TBC1D20: variants seen among roughly 807,000 people sequenced by gnomAD.
TBC1D20 encodes TBC1 domain family member 20, also known as chromosome 20 open reading frame 140.
In TBC1D20, 12 loss-of-function variants were observed where a neutral mutation model predicts 41.6. The ratio of observed to expected loss-of-function variants is 0.29; its 90% CI spans 0.18 to 0.47. TBC1D20 has a LOEUF of 0.47. TBC1D20 is among the 20% of genes least tolerant of loss of function. The pLI is 1.00. For synonymous variants in TBC1D20, 205 were observed against 204.8 expected (o/e 1.00, Z -0.01); for missense variants, 421 against 517.4 (o/e 0.81, Z 1.81).
Position 438,789 on chromosome 20 carries a change from G to T in TBC1D20, c.1009C>A (p.Pro337Thr), listed in dbSNP as rs757133570. Residue 337 changes from proline to threonine, a missense_variant, in exon 8 of 8, where the codon CCT becomes ACT. Coordinates refer to ENST00000354200, the MANE Select transcript of TBC1D20 (RefSeq NM_144628.4). ...DFELASAQQR[P>T]DMVLRQRFRG... ...AACCGCTGCCGCAGCACCATATCAGGCCTCTGCTGGGCTGATGCCAGCTCA... is the reference window on the plus strand; with the variant it reads ...AACCGCTGCCGCAGCACCATATCAGTCCTCTGCTGGGCTGATGCCAGCTCA... 1 of 1,614,236 alleles carries T rather than the reference G, an allele frequency of 6.2e-7. No homozygotes were observed. The highest frequency in any genetic ancestry group is 1.7e-5 in the Admixed American group (1 of 60,022).
Position 438,701 on chromosome 20 carries a change from C to G in TBC1D20, c.1097G>C (p.Arg366Pro). 2 of 1,614,232 alleles carry G rather than the reference C, an allele frequency of 1.2e-6. No homozygotes were observed. The highest frequency in any genetic ancestry group is 2.2e-5 in the South Asian group (2 of 91,088). The stretch of plus-strand genomic sequence containing the variant: ...CCCCATCACTGCCAATTTCACAAAG[C>G]GGTTGGTCCTTGGCTTGGTCAGGAC... ...KDVLTKPRTN[R>P]FVKLAVMGLT... The change falls in exon 8 of 8, where the codon CGC becomes CCC. Residue 366 changes from arginine (R) to proline (P), a missense_variant. By Grantham distance (103) the Arg-to-Pro change is moderately radical. Coordinates refer to ENST00000354200, the MANE Select transcript of TBC1D20 (RefSeq NM_144628.4).
chr20:454,308 G>A (rs1490534048), intron 1 of TBC1D20, among the ~76,000 whole-genome samples: 3 of 149,102 alleles, frequency 2.0e-5, no homozygotes, highest in Admixed American at 1.3e-4. Context: ...AAAAAAAAGT[G>A]TACGAGTTGC....
In TBC1D20 at chr20:448,944, G is replaced by A. The variant is rs754694494; in HGVS notation, c.71-870C>T. Among the ~76,000 whole-genome samples the A allele has an allele frequency of 7.2e-5, 10 of 139,764 alleles. No individual in the cohort carries two copies. The East Asian group carries it at 1.2e-3, about 16-fold the overall frequency. The allele number at this position is 139,764 out of a possible 152,430, so 91.7% of individuals were successfully genotyped here. A position where few individuals can be genotyped will look rare whatever the true frequency, so the allele number is the denominator to read the frequency against. ...CTGCAACCTCCGCCTCCCGGGTCCC[G>A]GTTCAAGCAATTCTGCCTCAGCCTC... On this transcript the variant is annotated intron_variant, in intron 1 of 7. Transcript: ENST00000354200.
At chr20:449,488 G>A (rs112691858) in intron 1 of TBC1D20, among the ~76,000 whole-genome samples, 9,746 of 97,124 alleles carry the variant, frequency 0.1, 374 homozygotes, top group African/African-American at 0.18. Flanking sequence ...CCAGCTACTC[G>A]GGAGGCTGAG....
In TBC1D20 at chr20:438,425, G is replaced by T; in HGVS notation, c.*161C>A. ...TCTGTGTCAGGTAGGCTCTGCTACT[G>T]GCCTCTGAAGTAAAGGCAAACACAA... On this transcript the variant is annotated 3_prime_UTR_variant, in exon 8 of 8. Coordinates refer to ENST00000354200, the MANE Select transcript of TBC1D20 (RefSeq NM_144628.4). 1.3e-6 allele frequency: 1 copy of T among 788,684 alleles called. No homozygotes were observed. Among genetic ancestry groups the T allele is most frequent in the Non-Finnish European group, 2.0e-6 (1 of 500,372 alleles). The allele number at this position is 788,684 out of a possible 1,614,324, so 48.9% of individuals were successfully genotyped here.
rs1377404506 is a variant in TBC1D20, at chr20:437,585, TAGTG to T, written c.*997_*1000del. The stretch of plus-strand genomic sequence containing the variant: ...TCAGACCCAAAAAACGACGCCAAGG[TAGTG>T]AGTGGGTGCCTATTTGGGAGTAGGA... On this transcript the variant is annotated 3_prime_UTR_variant, in exon 8 of 8. Transcript: ENST00000354200. The T allele has an allele frequency of 6.6e-6, 1 of 152,198 alleles. No individual in the cohort carries two copies. The highest frequency in any genetic ancestry group is 1.5e-5 in the Non-Finnish European group (1 of 67,998). 9.4% of individuals were successfully genotyped at this position (152,198 alleles called of 1,614,324 possible). A position where few individuals can be genotyped will look rare whatever the true frequency, so the allele number is the denominator to read the frequency against.
Position 448,036 on chromosome 20 carries a change from G to A in TBC1D20, c.109C>T (p.His37Tyr), listed in dbSNP as rs1262649357. 4 of 1,613,886 alleles carry A rather than the reference G, an allele frequency of 2.5e-6. No individual in the cohort carries two copies. The highest frequency in any genetic ancestry group is 1.7e-5 in the Admixed American group (1 of 60,002). Reference protein sequence around the residue: ...AKRKKKVAEIHQALNSDPTDV... With the variant: ...AKRKKKVAEIYQALNSDPTDV... Reference sequence around the variant, plus strand: ...GTGGGATCACTGTTCAGAGCCTGGTGTATCTCTGCCACTTTCTTTTTCCTT... The same window carrying A: ...GTGGGATCACTGTTCAGAGCCTGGTATATCTCTGCCACTTTCTTTTTCCTT... Residue 37 changes from histidine (H) to tyrosine (Y), a missense_variant, in exon 2 of 8, where the codon CAC (histidine) becomes TAC (tyrosine). This residue lies in a region of TBC1D20 where 150 missense variants were observed against 151.3 expected (regional missense o/e 0.99). Coordinates refer to ENST00000354200, the MANE Select transcript of TBC1D20 (RefSeq NM_144628.4).
chr20:454,100 AG>A (rs1255024818), intron 1 of TBC1D20, among the ~76,000 whole-genome samples: 1 of 134,352 alleles, frequency 7.4e-6, no homozygotes, highest in Non-Finnish European at 1.6e-5. Flanking sequence ...AAAATTAGCC[AG>A]GCGTGGTGGC....
At chr20:461,442 C>T (rs2017627620) in intron 1 of TBC1D20, among the ~76,000 whole-genome samples, 1 of 152,164 alleles carries the variant, frequency 6.6e-6, no homozygotes, top group South Asian at 2.1e-4. Context: ...ATAGAGTAGC[C>T]TCTAAGTCCT....
chr20:443,558 A>C (rs1247607589), intron 3 of TBC1D20, among the ~76,000 whole-genome samples: 1 of 152,202 alleles, frequency 6.6e-6, no homozygotes, highest in Non-Finnish European at 1.5e-5. Context: ...CCTCTTGCCC[A>C]TATTTACCCC....
intron 6 of TBC1D20, 41 bp downstream of exon 6, chr20:440,207 G>A: frequency 2.5e-6 from 4 of 1,603,456 alleles, no homozygotes; most frequent in Non-Finnish European, 3.4e-6. Context: ...AGTGGGATGG[G>A]TGATGGTGAA....
intron 1 of TBC1D20, among the ~76,000 whole-genome samples, chr20:461,650 T>C (rs962627157): frequency 2.0e-5 from 3 of 152,232 alleles, no homozygotes; most frequent in South Asian, 2.1e-4. Flanking sequence ...GCGCGAGCCA[T>C]GGTGCCCGGC....
In TBC1D20 at chr20:437,441, G is replaced by C. The variant is rs2017141334; in HGVS notation, c.*1145C>G. The C allele has an allele frequency of 2.0e-5, 3 of 152,618 alleles. 1 individual carries two copies. The highest frequency in any genetic ancestry group is 2.0e-4 in the Admixed American group (3 of 15,280). 9.5% of individuals were successfully genotyped at this position (152,618 alleles called of 1,614,324 possible). On this transcript the variant is annotated 3_prime_UTR_variant, in exon 8 of 8. Coordinates refer to ENST00000354200, the MANE Select transcript of TBC1D20 (RefSeq NM_144628.4). ...TAAAACAAACCTGGCTTTGCTTACA[G>C]GGAAGCTGTCCCAGAAGGACTGAGT...
chr20:462,294 G>A lies in TBC1D20; in HGVS notation c.70+42C>T, dbSNP rs957750509. ...GCCAGCTGCCCCTGCCCCCCGGGCC[G>A]CCCTCGCAGGCCGCTCCCGGCGCCC... On this transcript the variant is annotated intron_variant, in intron 1 of 7. Transcript: ENST00000354200. 8 of 1,243,698 alleles carry A rather than the reference G, an allele frequency of 6.4e-6. No homozygotes were observed. The South Asian group carries it at 7.1e-5, about 11-fold the overall frequency. 77.0% of individuals were successfully genotyped at this position (1,243,698 alleles called of 1,614,324 possible).
intron 1 of TBC1D20, among the ~76,000 whole-genome samples, chr20:458,400 A>G (rs1279423431): frequency 2.0e-5 from 3 of 151,636 alleles, no homozygotes; most frequent in African/African-American, 7.3e-5. Flanking sequence ...TGCAGCCTCA[A>G]CCTTCTGGGC....
At chr20:458,274 C>A (rs1233217816) in intron 1 of TBC1D20, among the ~76,000 whole-genome samples, 2 of 151,944 alleles carry the variant, frequency 1.3e-5, no homozygotes, top group East Asian at 3.9e-4. Flanking sequence ...ATCCTCAAAT[C>A]ATACCTCCCA....
At chr20:458,018 C>T (rs1013297203) in intron 1 of TBC1D20, among the ~76,000 whole-genome samples, 5 of 152,284 alleles carry the variant, frequency 3.3e-5, no homozygotes, top group East Asian at 1.9e-4. Flanking sequence ...AGTGGCAATA[C>T]TGAATACTGC....
chr20:459,850 T>C lies in TBC1D20; in HGVS notation c.70+2486A>G, dbSNP rs527386956. Among the ~76,000 whole-genome samples, 57 of 152,242 alleles carry C rather than the reference T, an allele frequency of 3.7e-4. No homozygotes were observed. The South Asian group carries it at 1.0e-2, about 27-fold the overall frequency. ...CAGATAAAGATGACACAACCCACTATTGGCTTAAACTTCTCCCAACTCTGG... is the reference window on the plus strand; with the variant it reads ...CAGATAAAGATGACACAACCCACTACTGGCTTAAACTTCTCCCAACTCTGG... On this transcript the variant is annotated intron_variant, in intron 1 of 7. Transcript: ENST00000354200.
intron 5 of TBC1D20, 24 bp from the exon 6 acceptor site, chr20:440,413 G>A (rs1289820317): frequency 1.2e-6 from 2 of 1,613,574 alleles, no homozygotes; most frequent in Non-Finnish European, 1.7e-6. Flanking sequence ...AAAGGCAGGT[G>A]TCAGGTCCTG....
Sources: allele counts gnomAD v4.1 joint callset (sites outside exome capture counted in the v4.1 genomes callset), GRCh38; gene constraint gnomAD v4.1.1; regional missense constraint gnomAD v4.1.1; transcripts MANE v1.5; gene names NCBI Gene and HGNC (gene_info 2026-07-23, HGNC 2026-07-21).